USP15: variants seen among roughly 807,000 people sequenced by gnomAD.
USP15 encodes the protein ubiquitin specific peptidase 15, also known as ubiquitin carboxyl-terminal hydrolase 15.
USP15 carries 18 observed loss-of-function variants against 127.1 expected under a neutral mutation model. That is an observed-to-expected ratio of 0.14 (90% CI 0.10 to 0.21). The LOEUF is 0.21. USP15 is among the 10% of genes least tolerant of loss of function. USP15 has a pLI of 1.00. For synonymous variants in USP15, 364 were observed against 393.7 expected (o/e 0.92, Z 0.89); for missense variants, 805 against 1,159.9 (o/e 0.69, Z 4.44).
At chr12:62,349,147 T>C in intron 6 of USP15, 74 bp from the exon 7 acceptor site, 1 of 883,372 alleles carries the variant, frequency 1.1e-6, no homozygotes, top group Non-Finnish European at 1.6e-6. Flanking sequence ...CATTGTCATC[T>C]GTTCTTTTAT....
intron 14 of USP15, among the ~76,000 whole-genome samples, chr12:62,390,348 C>T (rs1355457222): frequency 6.6e-6 from 1 of 152,038 alleles, no homozygotes; most frequent in Non-Finnish European, 1.5e-5. Context: ...ATGTCAAATG[C>T]TTCATTTCTT....
At chr12:62,347,364 CT>C (rs2065850299) in intron 6 of USP15, among the ~76,000 whole-genome samples, 2 of 150,456 alleles carry the variant, frequency 1.3e-5, no homozygotes, top group Non-Finnish European at 3.0e-5. Flanking sequence ...AGTGTATACA[CT>C]GTGCATATAT....
intron 1 of USP15, among the ~76,000 whole-genome samples, chr12:62,265,143 T>A (rs1470072812): frequency 6.6e-6 from 1 of 152,174 alleles, no homozygotes; most frequent in East Asian, 1.9e-4. Flanking sequence ...AATGATTTCG[T>A]TTATCTGTTT....
chr12:62,375,902 C>G (rs1215209621), intron 8 of USP15, among the ~76,000 whole-genome samples: 1 of 152,144 alleles, frequency 6.6e-6, no homozygotes, highest in Non-Finnish European at 1.5e-5. Flanking sequence ...CCATTGTTAC[C>G]TTTCCTTGTG....
intron 2 of USP15, among the ~76,000 whole-genome samples, chr12:62,299,373 A>G (rs2064236253): frequency 6.6e-6 from 1 of 152,154 alleles, no homozygotes; most frequent in Non-Finnish European, 1.5e-5. Context: ...AGTCCCCCAA[A>G]GTACTGGGAT....
rs1485137985 is a variant in USP15 at position 62,260,501 on chromosome 12, C to G, written c.87C>G (p.Thr29=). ...LLKTSLRKGD[T]WYLVDSRWFK... ...AAACCTCGCTCCGGAAAGGGGACAC[C>G]TGGTAAGAGAAAGGGGTTGAGATGC... The change falls in exon 1 of 22, where the codon ACC becomes ACG. Residue 29 remains threonine, a splice_region_variant and synonymous_variant. Transcript: ENST00000280377. 26 of 1,551,190 alleles carry G rather than the reference C, an allele frequency of 1.7e-5. No homozygotes were observed. Among genetic ancestry groups the G allele is most frequent in the East Asian group, 2.4e-5 (1 of 40,922 alleles).
chr12:62,402,452 G>A (rs1210340358), intron 21 of USP15, among the ~76,000 whole-genome samples: 2 of 152,020 alleles, frequency 1.3e-5, no homozygotes, highest in East Asian at 3.8e-4. Context: ...CAGATTTGGG[G>A]TTTGAGGGGA....
At chr12:62,350,833 C>G (rs1186759938) in intron 7 of USP15, among the ~76,000 whole-genome samples, 2 of 152,026 alleles carry the variant, frequency 1.3e-5, no homozygotes, top group African/African-American at 4.8e-5. Context: ...ACTATGTTGC[C>G]CATGCTGGTT....
Position 62,391,063 on chromosome 12 carries a change from AC to A in USP15, c.1960+85del, listed in dbSNP as rs2067311179. On this transcript the variant is annotated intron_variant, in intron 15 of 21. Coordinates refer to ENST00000280377, the MANE Select transcript of USP15 (RefSeq NM_001252078.2). ...AAGTTAAGAAAATGGGAATTAAAGA[AC>A]TAAAAAATACCTGGAAACCTAGGAT... The A allele has an allele frequency of 2.7e-6, 4 of 1,507,716 alleles. No individual in the cohort carries two copies. In the Admixed American group the frequency reaches 6.6e-5, roughly 25 times the overall value. 93.4% of individuals were successfully genotyped at this position (1,507,716 alleles called of 1,614,324 possible).
rs181483863 is a variant in USP15 at position 62,338,108 on chromosome 12, G to A, written c.684-11113G>A. ...TTACGGTCCCACCAGTAGTGTAAAA[G>A]CATTCCTGTTTCTCCACATCTTCTC... On this transcript the variant is annotated intron_variant, in intron 6 of 21. Transcript: ENST00000280377. Among the ~76,000 whole-genome samples, 505 of 152,294 alleles carry A rather than the reference G, an allele frequency of 3.3e-3. 3 individuals carry two copies. Among genetic ancestry groups the A allele is most frequent in the Middle Eastern group, 0.024 (7 of 294 alleles).
chr12:62,280,718 A>C (rs967871531), intron 1 of USP15, among the ~76,000 whole-genome samples: 9 of 152,120 alleles, frequency 5.9e-5, no homozygotes, highest in African/African-American at 2.2e-4. Flanking sequence ...TGTTGAAAAG[A>C]ATAAGGGAAT....
rs1345267677 is a variant in USP15 at position 62,411,403 on chromosome 12, C to G, written c.*7028C>G. The G allele has an allele frequency of 6.6e-6, 1 of 152,112 alleles. No homozygotes were observed. The highest frequency in any genetic ancestry group is 1.9e-4 in the East Asian group (1 of 5,196). 9.4% of individuals were successfully genotyped at this position (152,112 alleles called of 1,614,324 possible). A position where few individuals can be genotyped will look rare whatever the true frequency, so the allele number is the denominator to read the frequency against. On this transcript the variant is annotated 3_prime_UTR_variant, in exon 22 of 22. Coordinates refer to ENST00000280377, the MANE Select transcript of USP15 (RefSeq NM_001252078.2). ...ATATTTTTTGAGTGTCCACTATGTG[C>G]CAGGCACTATTCTAGATTCAAGATA...
chr12:62,359,144 C>T (rs1245988399), intron 8 of USP15, among the ~76,000 whole-genome samples: 1 of 151,074 alleles, frequency 6.6e-6, no homozygotes, highest in Non-Finnish European at 1.5e-5. Flanking sequence ...TCCCAGAACC[C>T]CATCTGCTTT....
intron 18 of USP15, among the ~76,000 whole-genome samples, chr12:62,392,769 G>T (rs1426541036): frequency 6.6e-6 from 1 of 152,118 alleles, no homozygotes; most frequent in East Asian, 1.9e-4. Context: ...TTCCAGCACA[G>T]ATTTGTGACC....
At chr12:62,325,816 G>T in intron 5 of USP15, 56 bp from the exon 6 acceptor site, 2 of 1,447,586 alleles carry the variant, frequency 1.4e-6, no homozygotes, top group South Asian at 1.3e-5. Context: ...ATCTTCTAAA[G>T]TTATTTTAAC....
chr12:62,392,888 G>A (rs2067367948), intron 18 of USP15, among the ~76,000 whole-genome samples, 165 bp from the exon 19 acceptor site: 1 of 152,050 alleles, frequency 6.6e-6, no homozygotes, highest in South Asian at 2.1e-4. Flanking sequence ...AAAATGTCTT[G>A]AAAATAAAAA....
intron 2 of USP15, 44 bp from the exon 3 acceptor site, chr12:62,302,746 A>G (rs758048209): frequency 1.3e-6 from 2 of 1,562,762 alleles, no homozygotes; most frequent in South Asian, 2.4e-5. Context: ...GTGTCCAAAC[A>G]AAGTATTTAG....
At chr12:62,281,379 C>T (rs2063643708) in intron 1 of USP15, among the ~76,000 whole-genome samples, 1 of 152,098 alleles carries the variant, frequency 6.6e-6, no homozygotes, top group Non-Finnish European at 1.5e-5. Flanking sequence ...CTCTATTGCC[C>T]AGGCTGGAGT....
At chr12:62,263,698 A>G (rs2137022273) in intron 1 of USP15, among the ~76,000 whole-genome samples, 1 of 152,330 alleles carries the variant, frequency 6.6e-6, no homozygotes, top group African/African-American at 2.4e-5. Context: ...ACTGATTTGT[A>G]TAAGGAATAA....
Sources: gnomAD v4.1 joint callset for allele counts (sites outside exome capture counted in the v4.1 genomes callset) on GRCh38, gnomAD v4.1.1 for gene constraint, MANE v1.5 for transcripts, NCBI Gene and HGNC (gene_info 2026-07-23, HGNC 2026-07-21) for gene names.